Variants in NXPH1 observed in about 807,000 individuals in gnomAD.
NXPH1 encodes neurexophilin 1, also known as neurexophilin-1.
In NXPH1, 5 loss-of-function variants were observed where a neutral mutation model predicts 23.7. The observed-to-expected ratio is 0.21, with a 90% CI of 0.11 to 0.44. The LOEUF (loss-of-function observed/expected upper bound fraction) is 0.44. NXPH1 is among the 20% of genes least tolerant of loss of function. NXPH1 has a pLI of 0.99. For synonymous variants in NXPH1, 144 were observed against 122.2 expected, an observed-to-expected ratio of 1.18 and a Z score of -1.18; for missense variants, 324 against 321.6, an observed-to-expected ratio of 1.01 and a Z score of -0.06.
chr7:8,454,765 C>T (rs571477121), intron 2 of NXPH1, among the ~76,000 whole-genome samples: 4 of 152,200 alleles, frequency 2.6e-5, no homozygotes, highest in African/African-American at 7.2e-5. Flanking sequence ...AATGGAATCC[C>T]GTGATTGAAA....
intron 2 of NXPH1, among the ~76,000 whole-genome samples, chr7:8,459,615 A>T (rs1366310956): frequency 6.6e-6 from 1 of 152,142 alleles, no homozygotes; most frequent in African/African-American, 2.4e-5. Flanking sequence ...CCTACTAATG[A>T]CTTCAGCTTT....
chr7:8,724,291 C>A lies in NXPH1; in HGVS notation c.55-26717C>A, dbSNP rs577274764. Among the ~76,000 whole-genome samples the A allele has an allele frequency of 8.5e-5, 13 of 152,324 alleles. No homozygotes were observed. The South Asian group carries it at 2.7e-3, about 32-fold the overall frequency. On this transcript the variant is annotated intron_variant, in intron 2 of 2. Transcript: ENST00000405863. Reference sequence around the variant, plus strand: ...TAGAGGCAGCTGTCATATGTCCTAGCTGTGCCCTCTAGCGGCAGCTGGAAT... The same window carrying A: ...TAGAGGCAGCTGTCATATGTCCTAGATGTGCCCTCTAGCGGCAGCTGGAAT...
intron 2 of NXPH1, among the ~76,000 whole-genome samples, chr7:8,687,210 G>A (rs1384767744): frequency 4.6e-5 from 7 of 152,066 alleles, no homozygotes; most frequent in Admixed American, 4.6e-4. Context: ...GATGACTGGT[G>A]GAGTATTGGG....
intron 2 of NXPH1, among the ~76,000 whole-genome samples, chr7:8,506,185 AT>A (rs1206578525): frequency 6.6e-6 from 1 of 152,060 alleles, no homozygotes; most frequent in East Asian, 1.9e-4. Context: ...TTTCTAATAC[AT>A]TTGTTGAGTT....
intron 2 of NXPH1, among the ~76,000 whole-genome samples, chr7:8,743,769 C>T (rs986600147): frequency 1.3e-5 from 2 of 151,418 alleles, no homozygotes; most frequent in South Asian, 2.1e-4. Flanking sequence ...CTGCAAGCTC[C>T]GCCTCCCGAG....
chr7:8,715,103 C>G (rs1779856036), intron 2 of NXPH1, among the ~76,000 whole-genome samples: 1 of 152,160 alleles, frequency 6.6e-6, no homozygotes, highest in Non-Finnish European at 1.5e-5. Context: ...GTGAGGCTTG[C>G]TGAAACTCAA....
chr7:8,728,809 T>A (rs1482560288), intron 2 of NXPH1, among the ~76,000 whole-genome samples: 3 of 152,216 alleles, frequency 2.0e-5, no homozygotes, highest in Non-Finnish European at 4.4e-5. Flanking sequence ...TCTTTTTTGG[T>A]TGTGTCTCTG....
chr7:8,731,750 C>G (rs1038509453), intron 2 of NXPH1, among the ~76,000 whole-genome samples: 3 of 152,254 alleles, frequency 2.0e-5, no homozygotes, highest in African/African-American at 7.2e-5. Context: ...TCAAAGCTGT[C>G]AGACAGGGAC....
At chr7:8,750,123 C>A (rs1780538981) in intron 2 of NXPH1, among the ~76,000 whole-genome samples, 1 of 152,090 alleles carries the variant, frequency 6.6e-6, no homozygotes, top group South Asian at 2.1e-4. Flanking sequence ...TTAAGCCCTG[C>A]AAGGTAAAAA....
intron 2 of NXPH1, among the ~76,000 whole-genome samples, chr7:8,455,882 C>T (rs932224651): frequency 3.3e-5 from 5 of 152,180 alleles, no homozygotes; most frequent in South Asian, 2.1e-4. Context: ...GGGTTTTCTT[C>T]CCATGTGTCC....
At chr7:8,627,751 T>C (rs1411897116) in intron 2 of NXPH1, among the ~76,000 whole-genome samples, 1 of 152,114 alleles carries the variant, frequency 6.6e-6, no homozygotes, top group Non-Finnish European at 1.5e-5. Flanking sequence ...AAAATAACCA[T>C]TTTAAAAGCA....
chr7:8,517,220 A>G (rs1329325423), intron 2 of NXPH1, among the ~76,000 whole-genome samples: 2 of 152,106 alleles, frequency 1.3e-5, no homozygotes, highest in Non-Finnish European at 2.9e-5. Flanking sequence ...CAGGGGAAGG[A>G]CAGGGTGTTG....
At chr7:8,491,141 A>G (rs1308072628) in intron 2 of NXPH1, among the ~76,000 whole-genome samples, 2 of 152,032 alleles carry the variant, frequency 1.3e-5, no homozygotes, top group Non-Finnish European at 2.9e-5. Context: ...ATGTAATTTT[A>G]CCAGAGCAAT....
At chr7:8,603,115 C>T (rs1301097908) in intron 2 of NXPH1, among the ~76,000 whole-genome samples, 3 of 152,092 alleles carry the variant, frequency 2.0e-5, no homozygotes, top group African/African-American at 7.2e-5. Flanking sequence ...TCTGTCTACC[C>T]TTGTGTCTTT....
At chr7:8,640,055 A>T (rs1389512279) in intron 2 of NXPH1, among the ~76,000 whole-genome samples, 1 of 152,182 alleles carries the variant, frequency 6.6e-6, no homozygotes, top group Non-Finnish European at 1.5e-5. Context: ...GGAACTCTAT[A>T]CATATTTTAA....
chr7:8,654,877 G>T (rs1010340033), intron 2 of NXPH1, among the ~76,000 whole-genome samples: 2 of 152,312 alleles, frequency 1.3e-5, no homozygotes, highest in South Asian at 4.1e-4. Flanking sequence ...GATTTTGACA[G>T]ATTCTTCCTG....
chr7:8,626,704 T>C (rs565335172), intron 2 of NXPH1, among the ~76,000 whole-genome samples: 1 of 152,280 alleles, frequency 6.6e-6, no homozygotes, highest in South Asian at 2.1e-4. Flanking sequence ...GATCTGGTCC[T>C]TGATAATGTC....
At position 8,441,377 on chromosome 7, in the gene NXPH1, C is replaced by T. The variant is rs374097784; in HGVS notation, c.54+5610C>T. 2.6e-5 allele frequency among the ~76,000 whole-genome samples: 4 copies of T among 152,094 alleles called. No individual in the cohort carries two copies. The South Asian group carries it at 6.2e-4, about 24-fold the overall frequency. On this transcript the variant is annotated intron_variant, in intron 2 of 2. Transcript: ENST00000405863. ...CTTTTTCTGGATGTCAGCACTAACC[C>T]CCTCCCGGAGCTTGGTAAACACAGC...
intron 2 of NXPH1, among the ~76,000 whole-genome samples, chr7:8,683,641 T>C (rs1355550173): frequency 2.0e-5 from 3 of 152,126 alleles, no homozygotes; most frequent in African/African-American, 2.4e-5. Flanking sequence ...AAATAACCTA[T>C]TTTTTTCCTG....
Sources: gnomAD v4.1 joint callset for allele counts (sites outside exome capture counted in the v4.1 genomes callset) on GRCh38, gnomAD v4.1.1 for gene constraint, MANE v1.5 for transcripts, NCBI Gene and HGNC (gene_info 2026-07-23, HGNC 2026-07-21) for gene names.